The following CHST15 variants were observed in gnomAD, a reference collection of about 807,000 sequenced individuals.
CHST15 encodes carbohydrate sulfotransferase 15.
A neutral mutation model predicts 53.6 loss-of-function variants in CHST15; 30 were observed. The observed-to-expected ratio is 0.56, with a 90% CI of 0.42 to 0.76. The LOEUF (loss-of-function observed/expected upper bound fraction) is 0.76, where lower values mean the gene tolerates loss of function less well. Ranked by LOEUF, CHST15 falls within the 30% of genes least tolerant of loss-of-function variation. The pLI is 0.00. For synonymous variants in CHST15, 296 were observed against 289.8 expected (o/e 1.02, Z -0.22); for missense variants, 627 against 740.5 (o/e 0.85, Z 1.78).
In CHST15 at chr10:124,045,752, AATTT is replaced by A; in HGVS notation, c.457_460del (p.Lys153Ter). The A allele has an allele frequency of 1.2e-6, 2 of 1,614,194 alleles. No individual in the cohort carries two copies. Among genetic ancestry groups the A allele is most frequent in the Non-Finnish European group, 1.7e-6 (2 of 1,180,030 alleles). ...CCTAGTTGTGATGCTGTTGATAATT[AATTT>A]AATGCTTGGATAGTCCTTCATGTAT... On this transcript the variant is annotated frameshift_variant, in exon 2 of 8. Coordinates refer to ENST00000435907, the MANE Select transcript of CHST15 (RefSeq NM_001270764.2). LOFTEE classifies it high-confidence loss of function.
chr10:124,020,111 T>G (rs1465782825), intron 6 of CHST15: 1 of 985,570 alleles, frequency 1.0e-6, no homozygotes, highest in East Asian at 1.1e-4. Context: ...TGTCCTGGCA[T>G]TGCTGTGGCC....
intron 1 of CHST15, among the ~76,000 whole-genome samples, chr10:124,050,568 C>A (rs1298680954): frequency 6.6e-6 from 1 of 152,168 alleles, no homozygotes; most frequent in East Asian, 1.9e-4. Flanking sequence ...CATGTCACAA[C>A]CAAAAATGTC....
At chr10:124,047,117 T>C (rs1340873074) in intron 1 of CHST15, among the ~76,000 whole-genome samples, 1 of 152,220 alleles carries the variant, frequency 6.6e-6, no homozygotes, top group East Asian at 1.9e-4. Flanking sequence ...GAGGGATGGA[T>C]TGAAATATCA....
chr10:124,093,114 C>T (rs927661110), intron 1 of CHST15, among the ~76,000 whole-genome samples: 4 of 152,206 alleles, frequency 2.6e-5, no homozygotes, highest in East Asian at 1.9e-4. Flanking sequence ...GCGCCCGGAG[C>T]GCGGCCAGGA....
rs1590163741 is a variant in CHST15 at position 124,007,775 on chromosome 10, A to G, written c.*2374T>C. On this transcript the variant is annotated 3_prime_UTR_variant, in exon 8 of 8. Coordinates refer to ENST00000435907, the MANE Select transcript of CHST15 (RefSeq NM_001270764.2). Reference sequence around the variant, plus strand: ...ACAGCGTAACTGCGATTCACTTAACATACCTTACAGGACTAAGGGAGTACA... The same window carrying G: ...ACAGCGTAACTGCGATTCACTTAACGTACCTTACAGGACTAAGGGAGTACA... The G allele has an allele frequency of 3.2e-6, 4 of 1,231,622 alleles. No homozygotes were observed. The East Asian group carries it at 1.3e-4, about 39-fold the overall frequency. 76.3% of individuals were successfully genotyped at this position (1,231,622 alleles called of 1,614,324 possible).
At chr10:124,010,624 C>T in intron 7 of CHST15, 2 of 985,458 alleles carry the variant, frequency 2.0e-6, no homozygotes, top group Non-Finnish European at 1.2e-6. Flanking sequence ...AGGCTGACCT[C>T]AAGGATTCCC....
At chr10:124,060,076 G>T (rs1240245961) in intron 1 of CHST15, among the ~76,000 whole-genome samples, 1 of 152,138 alleles carries the variant, frequency 6.6e-6, no homozygotes. Context: ...TGGCTGTAGG[G>T]ACCTCAGGAG....
At chr10:124,035,873 G>A (rs1372485428) in intron 5 of CHST15, among the ~76,000 whole-genome samples, 1 of 152,178 alleles carries the variant, frequency 6.6e-6, no homozygotes, top group Non-Finnish European at 1.5e-5. Flanking sequence ...CTGCAGAACT[G>A]CAACCAACCA....
intron 7 of CHST15, chr10:124,011,742 G>T: frequency 1.0e-6 from 1 of 985,400 alleles, no homozygotes; most frequent in African/African-American, 1.7e-5. Context: ...GAGGGCAGGC[G>T]CTCATGCCCC....
At chr10:124,076,821 T>C (rs1949087704) in intron 1 of CHST15, among the ~76,000 whole-genome samples, 1 of 151,992 alleles carries the variant, frequency 6.6e-6, no homozygotes, top group Admixed American at 6.6e-5. Context: ...ACCATTCTCC[T>C]GCCTCAGCCT....
At chr10:124,021,138 C>G (rs190069665) in intron 6 of CHST15, 118 bp downstream of exon 6, 101 of 1,532,014 alleles carry the variant, frequency 6.6e-5, no homozygotes, top group Middle Eastern at 1.7e-4. Context: ...CACATTAAAA[C>G]GCTTCTCTCT....
intron 6 of CHST15, chr10:124,020,983 G>C (rs1296076964): frequency 7.1e-7 from 1 of 1,408,682 alleles, no homozygotes; most frequent in African/African-American, 1.4e-5. Context: ...TTGCTAAATG[G>C]TAATCTTCCT....
chr10:124,056,142 G>A (rs929888321), intron 1 of CHST15, among the ~76,000 whole-genome samples: 19 of 152,140 alleles, frequency 1.2e-4, no homozygotes, highest in African/African-American at 3.9e-4. Flanking sequence ...CCCTCAAGAG[G>A]GAGCCCATCC....
At chr10:124,054,872 T>G (rs1430964540) in intron 1 of CHST15, among the ~76,000 whole-genome samples, 3 of 152,306 alleles carry the variant, frequency 2.0e-5, no homozygotes, top group Middle Eastern at 3.4e-3. Flanking sequence ...TGTTGATTAT[T>G]TTGAGTCGAA....
chr10:124,057,895 T>C (rs1163217074), intron 1 of CHST15, among the ~76,000 whole-genome samples: 1 of 151,634 alleles, frequency 6.6e-6, no homozygotes, highest in African/African-American at 2.4e-5. Flanking sequence ...CTCTCTGAAA[T>C]GCACAAAATA....
chr10:124,034,349 A>C (rs1947339610), intron 5 of CHST15, among the ~76,000 whole-genome samples: 1 of 152,132 alleles, frequency 6.6e-6, no homozygotes, highest in Admixed American at 6.5e-5. Flanking sequence ...TCTAGCTGGC[A>C]GACTCAGGCT....
At chr10:124,011,631 C>A (rs539455819) in intron 7 of CHST15, 1 of 985,366 alleles carries the variant, frequency 1.0e-6, no homozygotes, top group African/African-American at 1.7e-5. Context: ...AGCACTCGCT[C>A]CGCCAGCACA....
rs754676725 is a variant in CHST15 at position 124,007,809 on chromosome 10, C to A, written c.*2340G>T. Reference sequence around the variant, plus strand: ...AGGACTAAGGGAGTACAATTTAACACGGTCACAACTTTTGAGAACAAAAAG... The same window carrying A: ...AGGACTAAGGGAGTACAATTTAACAAGGTCACAACTTTTGAGAACAAAAAG... On this transcript the variant is annotated 3_prime_UTR_variant, in exon 8 of 8. Transcript: ENST00000435907. The A allele has an allele frequency of 4.9e-6, 6 of 1,231,924 alleles. No individual in the cohort carries two copies. The Admixed American group carries it at 1.3e-4, about 26-fold the overall frequency. The allele number at this position is 1,231,924 out of a possible 1,614,324, so 76.3% of individuals were successfully genotyped here.
intron 1 of CHST15, among the ~76,000 whole-genome samples, chr10:124,069,345 G>A (rs757058071): frequency 4.1e-5 from 6 of 146,902 alleles, no homozygotes; most frequent in Non-Finnish European, 7.5e-5. Flanking sequence ...CAAAGTTCAA[G>A]TTAGTCCCTG....
Sources: gnomAD v4.1 joint callset for allele counts (sites outside exome capture counted in the v4.1 genomes callset) on GRCh38, gnomAD v4.1.1 for gene constraint, MANE v1.5 for transcripts, NCBI Gene and HGNC (gene_info 2026-07-23, HGNC 2026-07-21) for gene names.